Variants in TAF4 observed in about 807,000 individuals in gnomAD.
TAF4 encodes TATA-box binding protein associated factor 4.
TAF4 carries 9 observed loss-of-function variants against 90.3 expected under a neutral mutation model. The ratio of observed to expected loss-of-function variants is 0.10; its 90% CI spans 0.06 to 0.17. TAF4 has a LOEUF of 0.17. TAF4 is among the 10% of genes least tolerant of loss of function. TAF4 has a pLI of 1.00. For synonymous variants in TAF4, 818 were observed against 638.9 expected, an observed-to-expected ratio of 1.28 and a Z score of -4.23; for missense variants, 1,351 against 1,370.7, an observed-to-expected ratio of 0.99 and a Z score of 0.23.
intron 3 of TAF4, among the ~76,000 whole-genome samples, chr20:62,011,867 G>C (rs2055780282): frequency 6.6e-6 from 1 of 152,202 alleles, no homozygotes; most frequent in Non-Finnish European, 1.5e-5. Context: ...GATGCTCACA[G>C]ACACCAGGTG....
At chr20:62,020,684 G>A (rs980945099) in intron 1 of TAF4, among the ~76,000 whole-genome samples, 6 of 152,304 alleles carry the variant, frequency 3.9e-5, no homozygotes, top group African/African-American at 1.4e-4. Context: ...CACCAAAGCA[G>A]TGAACTGATC....
At position 62,013,211 on chromosome 20, in the gene TAF4, A is replaced by G. The variant is rs141432204; in HGVS notation, c.1522-277T>C. 1.7e-3 allele frequency among the ~76,000 whole-genome samples: 263 copies of G among 152,340 alleles called. 2 individuals carry two copies. Among genetic ancestry groups the G allele is most frequent in the Middle Eastern group, 6.8e-3 (2 of 294 alleles). On this transcript the variant is annotated intron_variant, in intron 2 of 14. Transcript: ENST00000252996. ...GAAGAACGCAGGTATCTAGAAATCA[A>G]TCCTCGTGCTGCTGGCTTGTGACCT...
At chr20:61,981,459 A>G (rs1448461316) in intron 14 of TAF4, 1 of 152,246 alleles carries the variant, frequency 6.6e-6, no homozygotes, top group East Asian at 1.9e-4. Context: ...AAAATTACAA[A>G]TGCAACACCA....
At chr20:61,982,884 C>A (rs998255692) in intron 14 of TAF4, among the ~76,000 whole-genome samples, 13 of 151,950 alleles carry the variant, frequency 8.6e-5, no homozygotes, top group Admixed American at 8.5e-4. Flanking sequence ...CCAGCCTGCA[C>A]CCCCCTCCCC....
chr20:62,053,822 C>T, intron 1 of TAF4, among the ~76,000 whole-genome samples: 1 of 152,238 alleles, frequency 6.6e-6, no homozygotes, highest in Non-Finnish European at 1.5e-5. Context: ...CAAGTCTTCT[C>T]GGCTGAAACT....
At chr20:62,028,437 C>T (rs6142925) in intron 1 of TAF4, among the ~76,000 whole-genome samples, 15,009 of 152,072 alleles carry the variant, frequency 0.099, 1,200 homozygotes, top group East Asian at 0.44. Context: ...ACTGAAGATA[C>T]GGCATTGACA....
At position 62,064,185 on chromosome 20, in the gene TAF4, G is replaced by C. The variant is rs375620913; in HGVS notation, c.1360+266C>G. The C allele has an allele frequency of 1.2e-4, 46 of 383,618 alleles. No individual in the cohort carries two copies. In the South Asian group the frequency reaches 4.8e-3, roughly 40 times the overall value. The allele number at this position is 383,618 out of a possible 1,614,324, so 23.8% of individuals were successfully genotyped here. ...CTAAGAGTCCTGGCTGAGCCACTCC[G>C]AAACAGACCAGCCCCAGGCACAGGC... is the stretch of plus-strand genomic sequence containing the variant. On this transcript the variant is annotated intron_variant, in intron 1 of 14. Transcript: ENST00000252996.
intron 1 of TAF4, among the ~76,000 whole-genome samples, chr20:62,045,895 C>T (rs2055990581): frequency 6.6e-6 from 1 of 152,212 alleles, no homozygotes; most frequent in Non-Finnish European, 1.5e-5. Context: ...GCAGGAATAG[C>T]AGTAACCTCT....
chr20:62,026,158 C>G lies in TAF4; in HGVS notation c.1361-11451G>C, dbSNP rs1011069250. The stretch of plus-strand genomic sequence containing the variant: ...AACTGCCAAGTTCACAGCTAGCACA[C>G]GACCTTCCCCCACCAGCCCTGCCTC... On this transcript the variant is annotated intron_variant, in intron 1 of 14. Transcript: ENST00000252996. Among the ~76,000 whole-genome samples the G allele has an allele frequency of 1.1e-4, 16 of 152,292 alleles. 1 individual carries two copies. Among genetic ancestry groups the G allele is most frequent in the African/African-American group, 3.9e-4 (16 of 41,554 alleles).
intron 14 of TAF4, among the ~76,000 whole-genome samples, chr20:61,982,159 C>CCCA (rs2055548593): frequency 2.5e-5 from 2 of 79,918 alleles, no homozygotes; most frequent in Non-Finnish European, 5.0e-5. Context: ...AGACACCAAA[C>CCCA]TCACACCCCA....
intron 14 of TAF4, among the ~76,000 whole-genome samples, chr20:61,991,580 G>C (rs2055631699): frequency 6.6e-6 from 1 of 151,994 alleles, no homozygotes; most frequent in African/African-American, 2.4e-5. Context: ...GCATGGGTGA[G>C]AGAGACCCTG....
chr20:61,999,693 C>T (rs2055686538), intron 11 of TAF4, among the ~76,000 whole-genome samples: 1 of 152,212 alleles, frequency 6.6e-6, no homozygotes, highest in South Asian at 2.1e-4. Flanking sequence ...TGCCTGTAAT[C>T]CCAGCATTTA....
intron 9 of TAF4, among the ~76,000 whole-genome samples, chr20:62,001,579 G>A (rs2055703728): frequency 2.6e-5 from 4 of 152,174 alleles, no homozygotes; most frequent in Admixed American, 2.6e-4. Context: ...GTCTCCTGGG[G>A]TCGTTGTGTC....
chr20:61,988,137 AC>A (rs2055606017), intron 14 of TAF4, among the ~76,000 whole-genome samples: 11 of 152,208 alleles, frequency 7.2e-5, no homozygotes, highest in Non-Finnish European at 1.2e-4. Flanking sequence ...TGGTGGAAAC[AC>A]GTCATTCTAC....
At position 61,974,934 on chromosome 20, in the gene TAF4, A is replaced by C. The variant is rs1240395612; in HGVS notation, c.*1234T>G. On this transcript the variant is annotated 3_prime_UTR_variant, in exon 15 of 15. Transcript: ENST00000252996. The surrounding 1 kb of genome is among the most constrained non-coding windows in gnomAD (Gnocchi z 4.1). ...AACTGTGCAAAATTTACATGAAAAA[A>C]TGGAAAGACAGGGATTTCCTAAAAG... 1 of 152,492 alleles carries C rather than the reference A, an allele frequency of 6.6e-6. No homozygotes were observed. Among genetic ancestry groups the C allele is most frequent in the Non-Finnish European group, 1.5e-5 (1 of 68,048 alleles). The allele number at this position is 152,492 out of a possible 1,614,324, so 9.4% of individuals were successfully genotyped here.
chr20:62,039,783 C>T (rs1292059689), intron 1 of TAF4, among the ~76,000 whole-genome samples: 3 of 152,196 alleles, frequency 2.0e-5, no homozygotes, highest in Admixed American at 2.0e-4. Context: ...ATTTTAAACT[C>T]TTACTAAATC....
At chr20:62,036,041 A>C (rs1176356369) in intron 1 of TAF4, among the ~76,000 whole-genome samples, 3 of 151,868 alleles carry the variant, frequency 2.0e-5, no homozygotes, top group African/African-American at 7.3e-5. Context: ...TTTTAAAAAA[A>C]AAAAAGAGTT....
At chr20:62,051,834 T>C (rs2056029719) in intron 1 of TAF4, among the ~76,000 whole-genome samples, 1 of 152,128 alleles carries the variant, frequency 6.6e-6, no homozygotes, top group Admixed American at 6.5e-5. Context: ...GCGTCCCGGG[T>C]AGCAGGGATG....
At chr20:61,990,817 A>C (rs895906732) in intron 14 of TAF4, among the ~76,000 whole-genome samples, 7 of 152,142 alleles carry the variant, frequency 4.6e-5, no homozygotes, top group African/African-American at 9.7e-5. Flanking sequence ...GACGCTGAGG[A>C]CTCCCGTTCT....
Sources: allele counts gnomAD v4.1 joint callset (sites outside exome capture counted in the v4.1 genomes callset), GRCh38; gene constraint gnomAD v4.1.1; non-coding constraint Gnocchi (gnomAD v3.1); transcripts MANE v1.5; gene names NCBI Gene and HGNC (gene_info 2026-07-23, HGNC 2026-07-21).